AMMECR1: variants seen among roughly 807,000 people sequenced by gnomAD.
AMMECR1 encodes the protein nuclear protein AMMECR1.
A neutral mutation model predicts 22.5 loss-of-function variants in AMMECR1; 3 were observed. The observed-to-expected ratio is 0.13, with a 90% confidence interval of 0.06 to 0.35. AMMECR1 has a LOEUF of 0.35. Among genes scored for constraint, AMMECR1 ranks in the 10% least tolerant of loss-of-function variants. The probability of loss-of-function intolerance (pLI) is 1.00; values close to 1 mark genes in which losing one functional copy is unlikely to be tolerated. For synonymous variants in AMMECR1, 130 were observed against 116.7 expected (o/e 1.11, Z -0.74); for missense variants, 235 against 278.7 (o/e 0.84, Z 1.12).
At chrX:110,307,243 C>A (rs1210406976) in intron 1 of AMMECR1, 1 of 95,397 alleles carries the variant, frequency 1.0e-5, no homozygotes, top group African/African-American at 4.0e-5. Context: ...AAGATTCTGT[C>A]TCCAAAAAAA....
chrX:110,199,161 C>T (rs904812792), intron 5 of AMMECR1, among the ~76,000 whole-genome samples: 2 of 111,662 alleles, frequency 1.8e-5, no homozygotes, highest in Non-Finnish European at 3.8e-5. Context: ...CCATCTCACA[C>T]TACTACTCAG....
At chrX:110,340,778 C>T (rs189947744) in intron 2 of AMMECR1, among the ~76,000 whole-genome samples, 1 of 112,575 alleles carries the variant, frequency 8.9e-6, no homozygotes, top group East Asian at 2.8e-4. Flanking sequence ...ACTTATCTGT[C>T]ATCAAGGATG....
At chrX:110,225,003 G>C (rs752991204) in intron 2 of AMMECR1, 2 of 371,124 alleles carry the variant, frequency 5.4e-6, no homozygotes, top group Non-Finnish European at 1.0e-5. Context: ...CAGAACTGCA[G>C]GACATGTCCT....
intron 2 of AMMECR1, among the ~76,000 whole-genome samples, chrX:110,345,353 G>A (rs2068184151): frequency 9.3e-6 from 1 of 108,043 alleles, no homozygotes; most frequent in Non-Finnish European, 1.9e-5. Context: ...TGTGGGGTTG[G>A]GGGAGGGGAG....
chrX:110,376,414 C>T (rs908369934), intron 2 of AMMECR1, among the ~76,000 whole-genome samples: 5 of 111,391 alleles, frequency 4.5e-5, no homozygotes, highest in Admixed American at 2.9e-4. Context: ...ATGCACAGGA[C>T]CAGATGGCCT....
chrX:110,197,222 C>T lies in AMMECR1; in HGVS notation c.*1298G>A, dbSNP rs1177411314. ...TCACAGGTGTGACATAACATCTTAT[C>T]AATGTAGTAAATGTGTTTCTATCAA... On this transcript the variant is annotated 3_prime_UTR_variant, in exon 6 of 6. Coordinates refer to ENST00000262844, the MANE Select transcript of AMMECR1 (RefSeq NM_015365.3). The T allele has an allele frequency of 1.8e-5, 2 of 112,173 alleles. No homozygotes were observed. The highest frequency in any genetic ancestry group is 3.7e-4 in the South Asian group (1 of 2,726). The allele number at this position is 112,173 out of a possible 1,213,427, so 9.2% of individuals were successfully genotyped here. A position where few individuals can be genotyped will look rare whatever the true frequency, so the allele number is the denominator to read the frequency against.
At chrX:110,339,142 C>T (rs2068152005) in intron 2 of AMMECR1, among the ~76,000 whole-genome samples, 2 of 111,255 alleles carry the variant, frequency 1.8e-5, no homozygotes, top group African/African-American at 6.5e-5. Flanking sequence ...CAAGCGCGTG[C>T]AAGTTAAAGG....
intron 2 of AMMECR1, among the ~76,000 whole-genome samples, chrX:110,402,604 G>T (rs2068572727): frequency 8.9e-6 from 1 of 112,547 alleles, no homozygotes; most frequent in African/African-American, 3.2e-5. Context: ...TGTGTGCTTT[G>T]GAATCACCAA....
chrX:110,439,221 G>C (rs2068861801), intron 1 of AMMECR1, among the ~76,000 whole-genome samples: 1 of 111,988 alleles, frequency 8.9e-6, no homozygotes, highest in African/African-American at 3.2e-5. Context: ...CAGAGACAAT[G>C]TCCTCTCTCA....
intron 2 of AMMECR1, among the ~76,000 whole-genome samples, chrX:110,377,165 G>T (rs1270535936): frequency 1.8e-5 from 2 of 111,800 alleles, no homozygotes; most frequent in Non-Finnish European, 3.8e-5. Flanking sequence ...TCCAATCTTG[G>T]AATCCTGCTA....
At chrX:110,349,260 A>G (rs142609953) in intron 2 of AMMECR1, among the ~76,000 whole-genome samples, 152 of 112,065 alleles carry the variant, frequency 1.4e-3, no homozygotes, top group Middle Eastern at 4.6e-3. Flanking sequence ...AGGCTGCTAT[A>G]TCAAGAATAC....
At chrX:110,406,367 TGATCTTGC>T (rs2068602054) in intron 2 of AMMECR1, among the ~76,000 whole-genome samples, 1 of 110,815 alleles carries the variant, frequency 9.0e-6, no homozygotes, top group Non-Finnish European at 1.9e-5. Context: ...TTTGGTTTTC[TGATCTTGC>T]GATAGTTTGC....
intron 3 of AMMECR1, among the ~76,000 whole-genome samples, chrX:110,206,112 C>A (rs1052543552): frequency 2.7e-5 from 3 of 112,262 alleles, no homozygotes; most frequent in African/African-American, 9.7e-5. Context: ...CTCCACCTGG[C>A]CTCAGCCCCA....
intron 3 of AMMECR1, among the ~76,000 whole-genome samples, chrX:110,210,467 T>A (rs2067442505): frequency 9.0e-6 from 1 of 111,448 alleles, no homozygotes. Flanking sequence ...AAACATAACA[T>A]ATACAACCAG....
At chrX:110,202,806 G>T (rs1474533180) in intron 3 of AMMECR1, among the ~76,000 whole-genome samples, 38 of 111,607 alleles carry the variant, frequency 3.4e-4, no homozygotes, top group Non-Finnish European at 5.7e-5. Flanking sequence ...GAAGCTGTCT[G>T]TAGAATAAGA....
chrX:110,273,942 CTT>C (rs1207477720), intron 1 of AMMECR1, among the ~76,000 whole-genome samples: 3 of 111,646 alleles, frequency 2.7e-5, no homozygotes, highest in African/African-American at 9.8e-5. Context: ...GGTCTTTTTG[CTT>C]TAGGATTGCT....
chrX:110,287,123 A>G lies in AMMECR1; in HGVS notation c.474-22524T>C, dbSNP rs753395528. On this transcript the variant is annotated intron_variant, in intron 1 of 5. Transcript: ENST00000262844. ...TAGTGGGTTTAAGAAAAAGAACTCC[A>G]GCTATCAGAATTCAAGAGTAGGGTG... Among the ~76,000 whole-genome samples the G allele has an allele frequency of 6.2e-5, 7 of 112,156 alleles. No homozygotes were observed. In the East Asian group the frequency reaches 2.0e-3, roughly 31 times the overall value.
intron 2 of AMMECR1, among the ~76,000 whole-genome samples, chrX:110,365,011 G>A (rs755190242): frequency 8.9e-6 from 1 of 111,763 alleles, no homozygotes; most frequent in Non-Finnish European, 1.9e-5. Context: ...AAACAGTAGG[G>A]ACTTCCTGTA....
intron 1 of AMMECR1, among the ~76,000 whole-genome samples, chrX:110,285,929 T>C (rs2067876795): frequency 9.0e-6 from 1 of 111,482 alleles, no homozygotes. Flanking sequence ...TTTGCTGGAC[T>C]CCAGAGGCAA....
Sources: allele counts gnomAD v4.1 joint callset (sites outside exome capture counted in the v4.1 genomes callset), GRCh38; gene constraint gnomAD v4.1.1; transcripts MANE v1.5; gene names NCBI Gene and HGNC (gene_info 2026-07-23, HGNC 2026-07-21).